The following ZPBP variants were observed in gnomAD, a reference collection of about 807,000 sequenced individuals.
The protein encoded by ZPBP is zona pellucida-binding protein 1.
Under a neutral mutation model 44.8 loss-of-function variants are expected in ZPBP, and 26 were observed. The ratio of observed to expected loss-of-function variants is 0.58; its 90% confidence interval spans 0.43 to 0.81. The LOEUF (loss-of-function observed/expected upper bound fraction) is 0.81, where lower values mean the gene tolerates loss of function less well. Among genes scored for constraint, ZPBP ranks in the 30% least tolerant of loss-of-function variants. The pLI is 0.00. For synonymous variants in ZPBP, 174 were observed against 153.2 expected, an observed-to-expected ratio of 1.14 and a Z score of -1.00; for missense variants, 409 against 434.0, an observed-to-expected ratio of 0.94 and a Z score of 0.51.
chr7:50,037,233 A>C (rs1253456373), intron 4 of ZPBP, among the ~76,000 whole-genome samples: 1 of 152,232 alleles, frequency 6.6e-6, no homozygotes, highest in Admixed American at 6.5e-5. Flanking sequence ...ACTCCAACAA[A>C]GCTGCTATAA....
chr7:50,071,598 C>T (rs1195718207), intron 3 of ZPBP, among the ~76,000 whole-genome samples: 2 of 152,056 alleles, frequency 1.3e-5, no homozygotes, highest in Non-Finnish European at 2.9e-5. Context: ...TTTGCAGCTC[C>T]AAAAGGCACC....
chr7:49,973,787 T>C (rs548671702), intron 7 of ZPBP, among the ~76,000 whole-genome samples: 1 of 152,250 alleles, frequency 6.6e-6, no homozygotes, highest in African/African-American at 2.4e-5. Context: ...TCTCATAGAA[T>C]GACCATATGA....
chr7:49,919,096 G>C lies in ZPBP; in HGVS notation n.411+16655C>G, dbSNP rs1483162972. 2.0e-5 allele frequency: 3 copies of C among 151,486 alleles called. No individual in the cohort carries two copies. In the East Asian group the frequency reaches 5.8e-4, roughly 29 times the overall value. The allele number at this position is 151,486 out of a possible 1,614,324, so 9.4% of individuals were successfully genotyped here. A position where few individuals can be genotyped will look rare whatever the true frequency, so the allele number is the denominator to read the frequency against. On this transcript the variant is annotated intron_variant and non_coding_transcript_variant, in intron 1 of 2. Coordinates refer to the ZPBP transcript ENST00000465922. ...CAGTGATGGAACTGAGGCCAAATCT[G>C]TCTGGTTCCAAAGCTATCCTACATG...
chr7:49,936,332 A>T (rs1794619484), downstream of ZPBP, among the ~76,000 whole-genome samples: 1 of 152,240 alleles, frequency 6.6e-6, no homozygotes. Context: ...AGGGCTAATA[A>T]CAAAGTAGAG....
At position 49,865,069 on chromosome 7, in the gene ZPBP, G is replaced by T. The variant is rs115461313; in HGVS notation, n.510-14555C>A. Among the ~76,000 whole-genome samples the T allele has an allele frequency of 3.3e-5, 5 of 152,178 alleles. 1 individual carries two copies. The highest frequency in any genetic ancestry group is 7.3e-5 in the Non-Finnish European group (5 of 68,032). ...AAGATCTTATTTTTTGTAAAGAATT[G>T]TAAATGGAATACTTTTCTGTCATGT... On this transcript the variant is annotated intron_variant and non_coding_transcript_variant, in intron 2 of 2. Coordinates refer to the ZPBP transcript ENST00000465922.
chr7:49,916,252 G>A (rs918052302), intron 1 of ZPBP: 14 of 152,162 alleles, frequency 9.2e-5, no homozygotes, highest in African/African-American at 3.4e-4. Context: ...ATGGAAGACT[G>A]GTGTCTTCAC....
intron 1 of ZPBP, among the ~76,000 whole-genome samples, chr7:49,924,831 G>C (rs1305669708): frequency 6.6e-6 from 1 of 152,194 alleles, no homozygotes; most frequent in Non-Finnish European, 1.5e-5. Flanking sequence ...AAGGACTTCA[G>C]GATTTGAGGA....
chr7:50,048,963 A>G (rs61674126), intron 4 of ZPBP, among the ~76,000 whole-genome samples: 2,176 of 151,982 alleles, frequency 0.014, 61 homozygotes, highest in African/African-American at 0.05. Flanking sequence ...GAGATAGAAG[A>G]CTCAAATTAC....
rs1365185984 is a variant in ZPBP at position 49,962,429 on chromosome 7, GA to G, written c.961+20912del. ...TCAATTCGGGTGTAAAAGACATTAG[GA>G]AAAATTCAACCTGATTTACGATTAA... On this transcript the variant is annotated intron_variant, in intron 7 of 7. Transcript: ENST00000046087. Among the ~76,000 whole-genome samples the G allele has an allele frequency of 2.6e-5, 4 of 151,780 alleles. No individual in the cohort carries two copies. The East Asian group carries it at 7.7e-4, about 29-fold the overall frequency.
chr7:50,010,546 T>A (rs966694273), intron 6 of ZPBP, among the ~76,000 whole-genome samples: 2 of 152,186 alleles, frequency 1.3e-5, no homozygotes, highest in African/African-American at 4.8e-5. Context: ...GTTGCACTGC[T>A]GTACGCCACC....
At chr7:50,058,186 A>G (rs917512741) in intron 3 of ZPBP, 45 bp from the exon 4 acceptor site, 48 of 1,596,788 alleles carry the variant, frequency 3.0e-5, no homozygotes, top group Non-Finnish European at 3.8e-5. Flanking sequence ...ATTACATGAG[A>G]CAAGTACCAA....
intron 2 of ZPBP, among the ~76,000 whole-genome samples, chr7:49,893,961 T>C (rs1470303273): frequency 6.6e-6 from 1 of 152,192 alleles, no homozygotes. Context: ...TGCTGGACCC[T>C]GCTGGGCTCT....
At chr7:50,080,725 C>T (rs963467907) in intron 3 of ZPBP, among the ~76,000 whole-genome samples, 19 of 151,736 alleles carry the variant, frequency 1.3e-4, no homozygotes, top group Non-Finnish European at 1.5e-5. Flanking sequence ...CTACTGGGTG[C>T]TTTTACGCCT....
intron 6 of ZPBP, among the ~76,000 whole-genome samples, chr7:50,006,299 C>T (rs1301128788): frequency 6.6e-6 from 1 of 151,984 alleles, no homozygotes; most frequent in Non-Finnish European, 1.5e-5. Context: ...GAACACTCCA[C>T]CCAATATGAC....
At chr7:49,972,785 A>G (rs1035286287) in intron 7 of ZPBP, among the ~76,000 whole-genome samples, 1 of 152,122 alleles carries the variant, frequency 6.6e-6, no homozygotes, top group Non-Finnish European at 1.5e-5. Flanking sequence ...CTTAGAAAAG[A>G]AAAAAGTTGA....
At chr7:49,976,275 T>G (rs1319147103) in intron 7 of ZPBP, among the ~76,000 whole-genome samples, 1 of 152,228 alleles carries the variant, frequency 6.6e-6, no homozygotes, top group Non-Finnish European at 1.5e-5. Context: ...TGCATGAACA[T>G]GTTTCTGCCT....
intron 2 of ZPBP, among the ~76,000 whole-genome samples, chr7:49,857,631 A>C (rs933122466): frequency 6.6e-6 from 1 of 152,326 alleles, no homozygotes. Context: ...ATGGCTATTA[A>C]CAAAAATCAA....
chr7:49,904,075 A>C (rs1583800949), intron 1 of ZPBP, among the ~76,000 whole-genome samples: 1 of 152,216 alleles, frequency 6.6e-6, no homozygotes, highest in Admixed American at 6.5e-5. Flanking sequence ...CTTACTATAC[A>C]CATGGCTGGC....
chr7:49,877,376 C>A (rs1295744887), intron 2 of ZPBP, among the ~76,000 whole-genome samples: 1 of 142,786 alleles, frequency 7.0e-6, no homozygotes, highest in African/African-American at 2.6e-5. Flanking sequence ...ACAAGAGAAT[C>A]ACTTGAACCT....
Sources: gnomAD v4.1 joint callset for allele counts (sites outside exome capture counted in the v4.1 genomes callset) on GRCh38, gnomAD v4.1.1 for gene constraint, MANE v1.5 for transcripts, NCBI Gene and HGNC (gene_info 2026-07-23, HGNC 2026-07-21) for gene names.